The following LAMB2 variants were observed in gnomAD, a reference collection of about 807,000 sequenced individuals.
LAMB2 encodes laminin subunit beta 2.
In LAMB2, 119 loss-of-function variants were observed where a neutral mutation model predicts 202.7. The ratio of observed to expected loss-of-function variants is 0.59; its 90% CI spans 0.51 to 0.68. LAMB2 has a LOEUF of 0.68. LAMB2 is among the 30% of genes least tolerant of loss of function. The pLI, the probability that LAMB2 is intolerant of heterozygous loss-of-function variation, is 0.00. For synonymous variants in LAMB2, 818 were observed against 902.2 expected (o/e 0.91, Z 1.67); for missense variants, 2,124 against 2,410.6 (o/e 0.88, Z 2.49).
Position 49,121,538 on chromosome 3 carries a change from G to A in LAMB2, c.5155C>T (p.Arg1719Cys), listed in dbSNP as rs201458234. 22 of 1,614,034 alleles carry A rather than the reference G, an allele frequency of 1.4e-5. No individual in the cohort carries two copies. Among genetic ancestry groups the A allele is most frequent in the Middle Eastern group, 3.3e-4 (2 of 6,062 alleles). Residue 1719 changes from arginine to cysteine, a missense_variant, in exon 31 of 32, where the codon CGC becomes TGC. Arg to Cys is a radical substitution (Grantham distance 180). Coordinates refer to ENST00000305544, the MANE Select transcript of LAMB2 (RefSeq NM_002292.4). ...QYQTVKALAE[R>C]KAQGVLAAQA... is the part of the protein sequence containing the mutation. ...GCAGCCAGCACACCTTGGGCCTTGC[G>A]CTCAGCTAGGGCCTTCACCGTCTGG...
At chr3:49,125,926 TC>T (rs1257204596) in intron 17 of LAMB2, 36 bp from the exon 18 acceptor site, 4 of 1,613,728 alleles carry the variant, frequency 2.5e-6, no homozygotes, top group Non-Finnish European at 3.4e-6. Flanking sequence ...TCAGGCTGGG[TC>T]CCCACCTCTG....
At chr3:49,128,970 T>C (rs191825208) in intron 13 of LAMB2, 50 bp downstream of exon 13, 65 of 1,603,492 alleles carry the variant, frequency 4.1e-5, no homozygotes, top group Non-Finnish European at 5.0e-5. Context: ...TCTCCAGTCA[T>C]AGACGTGTCC....
Position 49,130,093 on chromosome 3 carries a change from G to A in LAMB2, c.1226-75C>T, listed in dbSNP as rs1467614388. The A allele has an allele frequency of 1.3e-6, 2 of 1,587,792 alleles. No individual in the cohort carries two copies. Among genetic ancestry groups the A allele is most frequent in the Non-Finnish European group, 1.7e-6 (2 of 1,157,176 alleles). ...ACTGCCAGTCCTCTCCTAAGCCTAAGGGATCCCACCCTGGATCCCTGGTCA... is the reference window on the plus strand; with the variant it reads ...ACTGCCAGTCCTCTCCTAAGCCTAAAGGATCCCACCCTGGATCCCTGGTCA... On this transcript the variant is annotated intron_variant, in intron 9 of 31. Coordinates refer to ENST00000305544, the MANE Select transcript of LAMB2 (RefSeq NM_002292.4). This position sits in a 1 kb window ranked among gnomAD's most constrained non-coding sequence, Gnocchi z 5.0.
chr3:49,126,471 C>A lies in LAMB2; in HGVS notation c.2045G>T (p.Cys682Phe). 1 of 1,614,132 alleles carries A rather than the reference C, an allele frequency of 6.2e-7. No homozygotes were observed. The change falls in exon 16 of 32, where the codon TGC becomes TTC. Residue 682 changes from cysteine (C) to phenylalanine (F), a missense_variant. This residue lies in a region of LAMB2 where 1,702 missense variants were observed against 1,896.3 expected (regional missense o/e 0.90). Transcript: ENST00000305544. ...CTTGTAGGAGATACCAGGCTCAAGGCAGACAGGATTAGGAAATATCAAGTA... is the reference window on the plus strand; with the variant it reads ...CTTGTAGGAGATACCAGGCTCAAGGAAGACAGGATTAGGAAATATCAAGTA... ...ARYLIFPNPV[C>F]LEPGISYKLH... is the part of the protein sequence containing the mutation.
rs939873820 is a variant in LAMB2 at position 49,129,346 on chromosome 3, G to C, written c.1519-22C>G. 15 of 1,607,138 alleles carry C rather than the reference G, an allele frequency of 9.3e-6. No individual in the cohort carries two copies. The highest frequency in any genetic ancestry group is 2.2e-5 in the East Asian group (1 of 44,816). ...CAGGCTGCACGAAAGGAGTTGCTGG[G>C]GGCCAGAAACAGACCTCCAGACCCC... On this transcript the variant is annotated intron_variant, in intron 11 of 31. Coordinates refer to ENST00000305544, the MANE Select transcript of LAMB2 (RefSeq NM_002292.4). This position sits in a 1 kb window ranked among gnomAD's most constrained non-coding sequence, Gnocchi z 6.1.
At chr3:49,126,649 C>G in intron 15 of LAMB2, 152 bp from the exon 16 acceptor site, 2 of 900,516 alleles carry the variant, frequency 2.2e-6, no homozygotes, top group South Asian at 3.3e-5. Flanking sequence ...CAACAAACAG[C>G]TGGGCAGCCC....
Position 49,121,694 on chromosome 3 carries a change from T to C in LAMB2, c.5090A>G (p.Glu1697Gly). ...TCTGCCTCAACCCACCTGCTCAGCC[T>C]CCTGGGCACGACCCTGGGCACTGCC... ...TAGSAQGRAQ[E>G]AEQLLRGPLG... Residue 1697 changes from glutamate to glycine, a missense_variant, in exon 30 of 32, where the codon GAG (glutamate) becomes GGG (glycine). Around this residue, in one of 3 missense-constraint regions of LAMB2, gnomAD observed 1,702 missense variants for 1,896.3 expected, o/e 0.90. Transcript: ENST00000305544. 6.2e-7 allele frequency: 1 copy of C among 1,614,092 alleles called. No homozygotes were observed. Among genetic ancestry groups the C allele is most frequent in the African/African-American group, 1.3e-5 (1 of 75,048 alleles).
At chr3:49,122,571 A>G in intron 27 of LAMB2, 133 bp downstream of exon 27, 1 of 964,212 alleles carries the variant, frequency 1.0e-6, no homozygotes, top group Non-Finnish European at 1.7e-6. Context: ...GCAATAACTC[A>G]GGAGCCAGTC....
At position 49,124,746 on chromosome 3, in the gene LAMB2, A is replaced by C; in HGVS notation, c.3064T>G (p.Cys1022Gly). 1 of 1,614,198 alleles carries C rather than the reference A, an allele frequency of 6.2e-7. No individual in the cohort carries two copies. Among genetic ancestry groups the C allele is most frequent in the Non-Finnish European group, 8.5e-7 (1 of 1,180,026 alleles). The stretch of plus-strand genomic sequence containing the variant: ...GCCTGCCCATGGAAGCCAGGCTTGC[A>C]GTGGGCACAGTGTGGACCCTCTGTG... ...HHTEGPHCAHCKPGFHGQAAR... is the reference protein window; with the variant it reads ...HHTEGPHCAHGKPGFHGQAAR... The change falls in exon 21 of 32, where the codon TGC becomes GGC. Residue 1022 changes from cysteine to glycine, a missense_variant. By Grantham distance (159) the Cys-to-Gly change is radical. This residue lies in a region of LAMB2 where 1,702 missense variants were observed against 1,896.3 expected (regional missense o/e 0.90). Transcript: ENST00000305544.
rs2107646025 is a variant in LAMB2 at position 49,132,893 on chromosome 3, G to A, written c.-26C>T. 1.2e-6 allele frequency: 2 copies of A among 1,606,384 alleles called. No homozygotes were observed. Among genetic ancestry groups the A allele is most frequent in the Non-Finnish European group, 1.7e-6 (2 of 1,173,152 alleles). ...CCTGAAGAGGGGAACAGGGATAAGG[G>A]GAGGTGAACGGTCTCGGGCCCGAGC... On this transcript the variant is annotated 5_prime_UTR_variant, in exon 1 of 32. Coordinates refer to ENST00000305544, the MANE Select transcript of LAMB2 (RefSeq NM_002292.4). This position sits in a 1 kb window ranked among gnomAD's most constrained non-coding sequence, Gnocchi z 4.6.
rs1489193217 is a variant in LAMB2, at chr3:49,128,530, G to A, written c.1946C>T (p.Pro649Leu). 1.2e-6 allele frequency: 2 copies of A among 1,614,108 alleles called. No homozygotes were observed. The highest frequency in any genetic ancestry group is 2.7e-5 in the African/African-American group (2 of 74,954). Residue 649 changes from proline (P) to leucine (L), a missense_variant, in exon 15 of 32, where the codon CCT becomes CTT. Pro to Leu is a moderately conservative substitution (Grantham distance 98). Around this residue, in one of 3 missense-constraint regions of LAMB2, gnomAD observed 1,702 missense variants for 1,896.3 expected, o/e 0.90. Coordinates refer to ENST00000305544, the MANE Select transcript of LAMB2 (RefSeq NM_002292.4). ...CAAATGCCCACACAGGCTGTGGGCA[G>A]GCACAGGCCCTGGACGCTGCACAAT... Reference protein sequence around the residue: ...ELIVQRPGPVPAHSLCGHLVP... With the variant: ...ELIVQRPGPVLAHSLCGHLVP...
intron 26 of LAMB2, 22 bp downstream of exon 26, chr3:49,123,110 C>T (rs979860602): frequency 6.2e-7 from 1 of 1,608,848 alleles, no homozygotes; most frequent in African/African-American, 1.3e-5. Context: ...CCCACCTGCC[C>T]CACCCAACAC....
Position 49,125,362 on chromosome 3 carries a change from A to G in LAMB2, c.2611T>C (p.Phe871Leu), listed in dbSNP as rs770943083. 4 of 1,614,044 alleles carry G rather than the reference A, an allele frequency of 2.5e-6. No individual in the cohort carries two copies. The highest frequency in any genetic ancestry group is 1.7e-5 in the Admixed American group (1 of 60,022). The part of the protein sequence containing the change: ...CDRCQRGQWG[F>L]PSCRPCVCNG... ...CAGACACATGGCCGGCAGCTAGGGAATCCCCACTGGCCACGCTGGCAGCGG... is the reference window on the plus strand; with the variant it reads ...CAGACACATGGCCGGCAGCTAGGGAGTCCCCACTGGCCACGCTGGCAGCGG... Residue 871 changes from phenylalanine to leucine, a missense_variant, in exon 19 of 32, where the codon TTC becomes CTC. Around this residue, in one of 3 missense-constraint regions of LAMB2, gnomAD observed 1,702 missense variants for 1,896.3 expected, o/e 0.90. Coordinates refer to ENST00000305544, the MANE Select transcript of LAMB2 (RefSeq NM_002292.4).
chr3:49,126,409 G>A lies in LAMB2; in HGVS notation c.2107C>T (p.Gln703Ter), dbSNP rs772552552. 6.2e-7 allele frequency: 1 copy of A among 1,614,184 alleles called. No homozygotes were observed. Among genetic ancestry groups the A allele is most frequent in the Admixed American group, 1.7e-5 (1 of 60,022 alleles). ...GGTCCAGAGTAGGGAGTCTCAGGCT[G>A]GGCACTTCCCCCTGTCCGTACCAGC... ...LKLVRTGGSAQPETPYSGPGL... is the reference protein window; with the variant it reads ...LKLVRTGGSA The change falls in exon 16 of 32, where the codon CAG becomes TAG. Residue 703 changes from glutamine (Q) to a stop codon, truncating the protein, a stop_gained. Transcript: ENST00000305544. LOFTEE classifies it high-confidence loss of function.
chr3:49,124,362 A>G, intron 22 of LAMB2, 33 bp downstream of exon 22: 4 of 1,612,904 alleles, frequency 2.5e-6, no homozygotes, highest in Non-Finnish European at 3.4e-6. Flanking sequence ...ACCTGGCCCC[A>G]TCTAACCAGG....
Position 49,132,715 on chromosome 3 carries a change from C to G in LAMB2, c.77-52G>C. ...GCTGAGTTCCTATCCAGTGGCTCCA[C>G]CTCATGTGCCCCAAGGGCAACTACC... is the stretch of plus-strand genomic sequence containing the variant. On this transcript the variant is annotated intron_variant, in intron 1 of 31. Coordinates refer to ENST00000305544, the MANE Select transcript of LAMB2 (RefSeq NM_002292.4). This position sits in a 1 kb window ranked among gnomAD's most constrained non-coding sequence, Gnocchi z 4.6. 1.9e-6 allele frequency: 3 copies of G among 1,613,814 alleles called. No individual in the cohort carries two copies. Among genetic ancestry groups the G allele is most frequent in the Non-Finnish European group, 2.5e-6 (3 of 1,179,720 alleles).
Position 49,124,079 on chromosome 3 carries a change from C to T in LAMB2, c.3446G>A (p.Gly1149Glu). 1 of 1,614,000 alleles carries T rather than the reference C, an allele frequency of 6.2e-7. No individual in the cohort carries two copies. Among genetic ancestry groups the T allele is most frequent in the Non-Finnish European group, 8.5e-7 (1 of 1,180,036 alleles). ...GCGGTGACACTGAGGTGTATCTATT[C>T]CACGAGAGTCACAATCACAGGCTGC... ...QCHACDCDSR[G>E]IDTPQCHRFT... Residue 1149 changes from glycine (G) to glutamate (E), a missense_variant, in exon 24 of 32, where the codon GGA (glycine) becomes GAA (glutamate). Around this residue, in one of 3 missense-constraint regions of LAMB2, gnomAD observed 1,702 missense variants for 1,896.3 expected, o/e 0.90. Transcript: ENST00000305544.
intron 15 of LAMB2, 22 bp from the exon 16 acceptor site, chr3:49,126,519 T>C: frequency 6.2e-7 from 1 of 1,613,700 alleles, no homozygotes; most frequent in Non-Finnish European, 8.5e-7. Flanking sequence ...TGGGGACAGG[T>C]GCAGTGGGTC....
At chr3:49,127,927 T>G (rs1483399404) in intron 15 of LAMB2, among the ~76,000 whole-genome samples, 2 of 127,678 alleles carry the variant, frequency 1.6e-5, no homozygotes, top group Non-Finnish European at 3.2e-5. Flanking sequence ...TGCTGACACA[T>G]GAGAATTGCT....
Sources: allele counts gnomAD v4.1 joint callset (sites outside exome capture counted in the v4.1 genomes callset), GRCh38; gene constraint gnomAD v4.1.1; regional missense constraint gnomAD v4.1.1; non-coding constraint Gnocchi (gnomAD v3.1); transcripts MANE v1.5; gene names NCBI Gene and HGNC (gene_info 2026-07-23, HGNC 2026-07-21).